Variants in ROBO2 observed in about 807,000 individuals in gnomAD.
The protein encoded by ROBO2 is roundabout homolog 2.
In ROBO2, 53 loss-of-function variants were observed where a neutral mutation model predicts 160.8. The ratio of observed to expected loss-of-function variants is 0.33; its 90% CI spans 0.26 to 0.41. The LOEUF (loss-of-function observed/expected upper bound fraction) is 0.41. ROBO2 is among the 10% of genes least tolerant of loss of function. The probability of loss-of-function intolerance (pLI) is 1.00; values close to 1 mark genes in which losing one functional copy is unlikely to be tolerated. For synonymous variants in ROBO2, 664 were observed against 611.7 expected (o/e 1.09, Z -1.26); for missense variants, 1,577 against 1,722.4 (o/e 0.92, Z 1.49).
At chr3:76,626,606 C>T (rs1260844424) in intron 2 of ROBO2, among the ~76,000 whole-genome samples, 1 of 152,150 alleles carries the variant, frequency 6.6e-6, no homozygotes, top group Non-Finnish European at 1.5e-5. Context: ...ACAGTGATAA[C>T]AGCAATAAAG....
At chr3:76,668,317 G>C (rs538354440) in intron 2 of ROBO2, among the ~76,000 whole-genome samples, 1 of 151,812 alleles carries the variant, frequency 6.6e-6, no homozygotes, top group South Asian at 2.1e-4. Context: ...TATATTACCA[G>C]GGCTTGTCTC....
chr3:75,913,774 A>G (rs185226044), intron 1 of ROBO2, among the ~76,000 whole-genome samples: 1 of 152,342 alleles, frequency 6.6e-6, no homozygotes, highest in East Asian at 1.9e-4. Context: ...CATCCATATA[A>G]GAAAGCACAG....
chr3:75,997,714 C>T (rs988641794), intron 2 of ROBO2, among the ~76,000 whole-genome samples: 6 of 151,974 alleles, frequency 3.9e-5, no homozygotes, highest in Non-Finnish European at 7.4e-5. Context: ...AGGATGGTCT[C>T]GATCTCCTGA....
chr3:77,595,252 G>T (rs962606734), intron 18 of ROBO2, 68 bp downstream of exon 19: 2 of 1,182,244 alleles, frequency 1.7e-6, no homozygotes, highest in African/African-American at 1.5e-5. Context: ...TCTATAGTAA[G>T]AGCCTATTAT....
intron 4 of ROBO2, among the ~76,000 whole-genome samples, chr3:77,487,119 A>C (rs77716587): frequency 0.013 from 2,049 of 152,284 alleles, 40 homozygotes; most frequent in African/African-American, 0.045. Flanking sequence ...TGAGGTATTC[A>C]GAGATAACGC....
At chr3:77,109,805 A>G (rs2073329969) in intron 2 of ROBO2, among the ~76,000 whole-genome samples, 2 of 152,236 alleles carry the variant, frequency 1.3e-5, no homozygotes, top group African/African-American at 4.8e-5. Context: ...CTTAATTACT[A>G]TGCTAAGCAT....
At chr3:76,160,371 A>G (rs1354433514) in intron 2 of ROBO2, among the ~76,000 whole-genome samples, 1 of 152,170 alleles carries the variant, frequency 6.6e-6, no homozygotes, top group Non-Finnish European at 1.5e-5. Context: ...ACTTTGCTCC[A>G]CTTTAATATT....
chr3:76,230,611 A>G (rs1704563984), intron 2 of ROBO2, among the ~76,000 whole-genome samples: 3 of 151,384 alleles, frequency 2.0e-5, no homozygotes, highest in African/African-American at 4.9e-5. Flanking sequence ...TCTTTCCTCT[A>G]TGTTCTCTGA....
intron 2 of ROBO2, among the ~76,000 whole-genome samples, chr3:76,934,210 G>GAA (rs10687758): frequency 0.037 from 5,328 of 142,604 alleles, 317 homozygotes; most frequent in African/African-American, 0.13. Flanking sequence ...ATCGAAAATA[G>GAA]AAAAAAAAAA....
At chr3:76,670,658 G>C (rs190910512) in intron 2 of ROBO2, among the ~76,000 whole-genome samples, 15 of 152,094 alleles carry the variant, frequency 9.9e-5, no homozygotes, top group Middle Eastern at 3.4e-3. Context: ...TGTACAACTA[G>C]AGCCTTCTGT....
chr3:76,242,372 A>G (rs1705343055), intron 2 of ROBO2, among the ~76,000 whole-genome samples: 1 of 152,086 alleles, frequency 6.6e-6, no homozygotes, highest in Admixed American at 6.5e-5. Context: ...TTGTACTATT[A>G]TAATATTAGA....
chr3:76,532,843 AGAAGAG>A (rs2082300378), intron 2 of ROBO2, among the ~76,000 whole-genome samples: 1 of 152,212 alleles, frequency 6.6e-6, no homozygotes, highest in African/African-American at 2.4e-5. Flanking sequence ...ATAAAGTGTG[AGAAGAG>A]TGGGGTCACG....
At chr3:76,739,253 G>C (rs1405989620) in intron 2 of ROBO2, among the ~76,000 whole-genome samples, 1 of 152,008 alleles carries the variant, frequency 6.6e-6, no homozygotes, top group Non-Finnish European at 1.5e-5. Context: ...ATGATAGACT[G>C]GATTAAGAAA....
chr3:76,017,849 T>A (rs1183481927), intron 2 of ROBO2, among the ~76,000 whole-genome samples: 3 of 152,194 alleles, frequency 2.0e-5, no homozygotes, highest in Non-Finnish European at 4.4e-5. Context: ...GAATAAAACA[T>A]AAAGCCCTGA....
At chr3:77,552,567 T>C (rs374588753) in intron 8 of ROBO2, among the ~76,000 whole-genome samples, 1 of 152,190 alleles carries the variant, frequency 6.6e-6, no homozygotes, top group African/African-American at 2.4e-5. Flanking sequence ...TGGTCAAAAA[T>C]AAGTGATGAC....
At chr3:76,188,933 A>G (rs577241464) in intron 2 of ROBO2, among the ~76,000 whole-genome samples, 12 of 152,252 alleles carry the variant, frequency 7.9e-5, no homozygotes, top group Admixed American at 7.2e-4. Flanking sequence ...AGGGTTATGA[A>G]TGTCAAATGC....
intron 17 of ROBO2, among the ~76,000 whole-genome samples, chr3:77,593,784 A>G (rs1174328195): frequency 6.6e-6 from 1 of 152,176 alleles, no homozygotes; most frequent in African/African-American, 2.4e-5. Flanking sequence ...AGAGTTATTC[A>G]AAGTAAGAAG....
At chr3:76,326,117 T>C (rs2072993532) in intron 2 of ROBO2, among the ~76,000 whole-genome samples, 1 of 152,158 alleles carries the variant, frequency 6.6e-6, no homozygotes, top group Non-Finnish European at 1.5e-5. Context: ...AGACTTTTGG[T>C]CTTAGAAAAT....
intron 2 of ROBO2, among the ~76,000 whole-genome samples, chr3:76,722,142 C>T (rs1252623172): frequency 6.6e-6 from 1 of 152,072 alleles, no homozygotes; most frequent in African/African-American, 2.4e-5. Flanking sequence ...TAGGAGGAAA[C>T]ACTGTTGGGG....
Sources: allele counts gnomAD v4.1 joint callset (sites outside exome capture counted in the v4.1 genomes callset), GRCh38; gene constraint gnomAD v4.1.1; transcripts MANE v1.5; gene names NCBI Gene and HGNC (gene_info 2026-07-23, HGNC 2026-07-21).